The following NOS1AP variants were observed in gnomAD, a reference collection of about 807,000 sequenced individuals.
NOS1AP encodes the protein nitric oxide synthase 1 adaptor protein.
Under a neutral mutation model 56.2 loss-of-function variants are expected in NOS1AP, and 21 were observed. That is an observed-to-expected ratio of 0.37 (90% CI 0.26 to 0.54). The LOEUF (loss-of-function observed/expected upper bound fraction) is 0.54, where lower values mean the gene tolerates loss of function less well. Among genes scored for constraint, NOS1AP ranks in the 20% least tolerant of loss-of-function variants. The pLI, the probability that NOS1AP is intolerant of heterozygous loss-of-function variation, is 0.84. For synonymous variants in NOS1AP, 270 were observed against 274.6 expected (o/e 0.98, Z 0.17); for missense variants, 522 against 657.8 (o/e 0.79, Z 2.26).
At chr1:162,076,134 C>A (rs933095074) in intron 1 of NOS1AP, among the ~76,000 whole-genome samples, 6 of 152,186 alleles carry the variant, frequency 3.9e-5, no homozygotes, top group Admixed American at 3.3e-4. Flanking sequence ...AATGCTTTCG[C>A]TGGCTATAAT....
intron 3 of NOS1AP, among the ~76,000 whole-genome samples, chr1:162,291,336 C>T (rs1655275818): frequency 6.6e-6 from 1 of 152,186 alleles, no homozygotes; most frequent in Non-Finnish European, 1.5e-5. Context: ...CGTGGCTGTT[C>T]ACTAGCTGCT....
intron 2 of NOS1AP, among the ~76,000 whole-genome samples, chr1:162,272,170 C>T (rs138741112): frequency 8.5e-5 from 13 of 152,254 alleles, no homozygotes; most frequent in South Asian, 2.1e-4. Flanking sequence ...TTTTATAAGA[C>T]AGTAATCCCA....
chr1:162,123,158 C>T (rs1385202165), intron 1 of NOS1AP, among the ~76,000 whole-genome samples: 4 of 152,158 alleles, frequency 2.6e-5, no homozygotes, highest in African/African-American at 9.7e-5. Flanking sequence ...GATTTTTAAA[C>T]ATTTTTTATT....
Position 162,315,781 on chromosome 1 carries a change from C to T in NOS1AP, c.344+15075C>T, listed in dbSNP as rs181971308. Among the ~76,000 whole-genome samples the T allele has an allele frequency of 3.9e-5, 6 of 152,276 alleles. No individual in the cohort carries two copies. The South Asian group carries it at 6.2e-4, about 16-fold the overall frequency. ...TGTCAAATTCTTATTAATCTTTCAA[C>T]GTTTATTGTAAATAACACATCCACC... On this transcript the variant is annotated intron_variant, in intron 4 of 9. Coordinates refer to ENST00000361897, the MANE Select transcript of NOS1AP (RefSeq NM_014697.3).
intron 4 of NOS1AP, among the ~76,000 whole-genome samples, chr1:162,307,368 C>T (rs1228490809): frequency 6.6e-6 from 1 of 152,174 alleles, no homozygotes; most frequent in Non-Finnish European, 1.5e-5. Flanking sequence ...ATTAATCTGA[C>T]CTGAAGTCTT....
intron 2 of NOS1AP, among the ~76,000 whole-genome samples, chr1:162,206,583 C>G (rs1296142256): frequency 6.6e-6 from 1 of 152,128 alleles, no homozygotes. Context: ...GTTAGGTAAG[C>G]CTTGTTATCA....
chr1:162,211,637 G>A (rs1329675527), intron 2 of NOS1AP, among the ~76,000 whole-genome samples: 1 of 152,102 alleles, frequency 6.6e-6, no homozygotes, highest in African/African-American at 2.4e-5. Context: ...TGAGGCAGTG[G>A]GTTGTTTGGC....
intron 2 of NOS1AP, among the ~76,000 whole-genome samples, chr1:162,237,896 C>A (rs1653357080): frequency 1.3e-5 from 2 of 152,138 alleles, no homozygotes; most frequent in Non-Finnish European, 2.9e-5. Context: ...ACACATGAGT[C>A]CTTTGCTGTC....
chr1:162,125,372 A>T (rs1648444177), intron 1 of NOS1AP, among the ~76,000 whole-genome samples: 1 of 151,528 alleles, frequency 6.6e-6, no homozygotes, highest in Non-Finnish European at 1.5e-5. Flanking sequence ...GAGCTTAGGC[A>T]ATCTGCCCAC....
chr1:162,247,648 T>C (rs1309435531), intron 2 of NOS1AP, among the ~76,000 whole-genome samples: 2 of 152,168 alleles, frequency 1.3e-5, no homozygotes, highest in African/African-American at 2.4e-5. Flanking sequence ...CATTTCTACA[T>C]GTATCAGGCT....
chr1:162,294,062 C>T (rs1213223152), intron 3 of NOS1AP, among the ~76,000 whole-genome samples: 2 of 152,074 alleles, frequency 1.3e-5, no homozygotes, highest in South Asian at 4.2e-4. Context: ...CAGTGTTAAA[C>T]GCCTGTGGGA....
intron 2 of NOS1AP, among the ~76,000 whole-genome samples, chr1:162,200,628 A>G (rs1174573956): frequency 1.3e-5 from 2 of 152,224 alleles, no homozygotes; most frequent in African/African-American, 2.4e-5. Flanking sequence ...GACTAGGTTC[A>G]GAGTGATATC....
chr1:162,181,623 T>C (rs1310282940), intron 2 of NOS1AP, among the ~76,000 whole-genome samples: 6 of 152,234 alleles, frequency 3.9e-5, no homozygotes. Context: ...GGATAACAGT[T>C]ATCAAGGGCC....
rs558588000 is a variant in NOS1AP, at chr1:162,253,344, T to C, written c.178-34000T>C. ...TAAATTATCAGTCTCTGATATCCTG[T>C]TATAGGTGCAAAATGAACTAATTCC... On this transcript the variant is annotated intron_variant, in intron 2 of 9. Transcript: ENST00000361897. Among the ~76,000 whole-genome samples, 3 of 152,334 alleles carry C rather than the reference T, an allele frequency of 2.0e-5. No homozygotes were observed. In the East Asian group the frequency reaches 5.8e-4, roughly 29 times the overall value.
chr1:162,101,388 G>GT (rs1484218296), intron 1 of NOS1AP, among the ~76,000 whole-genome samples: 5 of 152,056 alleles, frequency 3.3e-5, no homozygotes, highest in African/African-American at 1.2e-4. Context: ...TCTTGTTATT[G>GT]TTGTTTAGGA....
chr1:162,261,993 G>T (rs1336728814), intron 2 of NOS1AP, among the ~76,000 whole-genome samples: 1 of 152,210 alleles, frequency 6.6e-6, no homozygotes, highest in Non-Finnish European at 1.5e-5. Flanking sequence ...CAGAATGAAT[G>T]CATGTCTGTG....
At position 162,180,645 on chromosome 1, in the gene NOS1AP, G is replaced by A. The variant is rs149197135; in HGVS notation, c.177+26169G>A. Among the ~76,000 whole-genome samples, 21 of 152,274 alleles carry A rather than the reference G, an allele frequency of 1.4e-4. 1 individual carries two copies. The highest frequency in any genetic ancestry group is 6.2e-4 in the South Asian group (3 of 4,822). On this transcript the variant is annotated intron_variant, in intron 2 of 9. Coordinates refer to ENST00000361897, the MANE Select transcript of NOS1AP (RefSeq NM_014697.3). ...AGGGACTACAGGAGCCTCTTGGAGC[G>A]GAGCATGGCCCTCAGCTGACAGCCA...
At chr1:162,197,561 G>A (rs1305916136) in intron 2 of NOS1AP, among the ~76,000 whole-genome samples, 2 of 152,220 alleles carry the variant, frequency 1.3e-5, no homozygotes, top group African/African-American at 4.8e-5. Context: ...AGCAAGTGAA[G>A]TGCTTTTCAG....
intron 2 of NOS1AP, among the ~76,000 whole-genome samples, chr1:162,200,094 A>G (rs910649806): frequency 6.6e-6 from 1 of 152,184 alleles, no homozygotes; most frequent in Admixed American, 6.5e-5. Flanking sequence ...ACTGGTAGAA[A>G]AAAAATTACT....
Sources: allele counts gnomAD v4.1 joint callset (sites outside exome capture counted in the v4.1 genomes callset), GRCh38; gene constraint gnomAD v4.1.1; transcripts MANE v1.5; gene names NCBI Gene and HGNC (gene_info 2026-07-23, HGNC 2026-07-21).